The following IFT52 variants were observed in gnomAD, a reference collection of about 807,000 sequenced individuals.
The protein encoded by IFT52 is intraflagellar transport 52.
In IFT52, 44 loss-of-function variants were observed where a neutral mutation model predicts 54.4. The ratio of observed to expected loss-of-function variants is 0.81; its 90% CI spans 0.63 to 1.04. IFT52 has a LOEUF of 1.04. IFT52 is among the 50% of genes least tolerant of loss of function. The pLI is 0.00. For missense variants in IFT52, 452 were observed against 523.6 expected, an observed-to-expected ratio of 0.86 and a Z score of 1.33; for synonymous variants, 181 against 185.3, an observed-to-expected ratio of 0.98 and a Z score of 0.19.
At chr20:43,620,169 AG>A (rs1984182018) in intron 8 of IFT52, among the ~76,000 whole-genome samples, 1 of 151,774 alleles carries the variant, frequency 6.6e-6, no homozygotes, top group African/African-American at 2.4e-5. Flanking sequence ...CACCTGCCTC[AG>A]CCTCCCAAAG....
At chr20:43,619,749 G>T (rs761488874) in intron 8 of IFT52, among the ~76,000 whole-genome samples, 3 of 152,134 alleles carry the variant, frequency 2.0e-5, no homozygotes, top group Non-Finnish European at 2.9e-5. Flanking sequence ...GGAAGCACAT[G>T]TCTGTACAGC....
intron 5 of IFT52, 24 bp from the exon 6 acceptor site, chr20:43,604,977 TA>T (rs1476066181): frequency 1.2e-6 from 2 of 1,611,018 alleles, no homozygotes; most frequent in South Asian, 2.2e-5. Context: ...TTTTGTTTAC[TA>T]GATTTTAATT....
intron 10 of IFT52, among the ~76,000 whole-genome samples, chr20:43,625,352 T>TA (rs1197349772): frequency 1.3e-5 from 2 of 151,850 alleles, no homozygotes; most frequent in African/African-American, 2.4e-5. Flanking sequence ...CTACTAAAAA[T>TA]ACAAAAATTA....
chr20:43,619,576 G>C (rs73274318), intron 8 of IFT52, among the ~76,000 whole-genome samples: 1,946 of 152,176 alleles, frequency 0.013, 47 homozygotes, highest in African/African-American at 0.044. Context: ...CCTGAATTAC[G>C]GGAGTCAAGG....
chr20:43,631,400 G>A (rs1985161123), intron 10 of IFT52, among the ~76,000 whole-genome samples: 1 of 152,184 alleles, frequency 6.6e-6, no homozygotes, highest in Admixed American at 6.6e-5. Flanking sequence ...AGTGGAGGAG[G>A]TGACAGCAGT....
At chr20:43,601,169 A>T (rs1006836579) in intron 3 of IFT52, among the ~76,000 whole-genome samples, 2 of 152,092 alleles carry the variant, frequency 1.3e-5, no homozygotes, top group Non-Finnish European at 2.9e-5. Context: ...CATTAATATT[A>T]TGGCATTAAT....
chr20:43,621,150 ACAGT>A (rs1158613518), intron 9 of IFT52: 21 of 387,666 alleles, frequency 5.4e-5, no homozygotes, highest in Non-Finnish European at 9.3e-5. Flanking sequence ...ATACATACAT[ACAGT>A]ATGTATATAA....
At position 43,612,560 on chromosome 20, in the gene IFT52, C is replaced by T. The variant is rs138529854; in HGVS notation, c.486-1290C>T. Among the ~76,000 whole-genome samples the T allele has an allele frequency of 9.1e-3, 1,380 of 152,030 alleles. 13 individuals are homozygous for T. Among genetic ancestry groups the T allele is most frequent in the Non-Finnish European group, 0.014 (976 of 67,976 alleles). ...ATATAAAAATTAGTAGGTGTGGTGGCATGCACCTGTGGTCCCAGCTACTCA... is the reference window on the plus strand; with the variant it reads ...ATATAAAAATTAGTAGGTGTGGTGGTATGCACCTGTGGTCCCAGCTACTCA... On this transcript the variant is annotated intron_variant, in intron 6 of 13. Transcript: ENST00000373030.
intron 10 of IFT52, among the ~76,000 whole-genome samples, chr20:43,627,183 A>G (rs554231465): frequency 6.7e-6 from 1 of 149,698 alleles, no homozygotes; most frequent in Non-Finnish European, 1.5e-5. Context: ...AAAAAAAAAG[A>G]AAGGAAGAAA....
chr20:43,634,979 A>G lies in IFT52; in HGVS notation c.924-947A>G, dbSNP rs556131898. Reference sequence around the variant, plus strand: ...AGGTCAGGAGTTCAAGACCAGCCTGACCAACATGGTGAAACCCATCTCTAC... The same window carrying G: ...AGGTCAGGAGTTCAAGACCAGCCTGGCCAACATGGTGAAACCCATCTCTAC... On this transcript the variant is annotated intron_variant, in intron 10 of 13. Coordinates refer to ENST00000373030, the MANE Select transcript of IFT52 (RefSeq NM_016004.5). Among the ~76,000 whole-genome samples, 105 of 151,582 alleles carry G rather than the reference A, an allele frequency of 6.9e-4. 3 individuals carry two copies. The East Asian group carries it at 0.017, about 25-fold the overall frequency.
intron 6 of IFT52, among the ~76,000 whole-genome samples, chr20:43,609,715 C>A (rs1272333160): frequency 1.1e-4 from 16 of 144,926 alleles, no homozygotes; most frequent in Admixed American, 3.6e-4. Flanking sequence ...GCGGAGGTTG[C>A]ATTTAGCCGA....
chr20:43,607,074 G>A (rs1401336501), intron 6 of IFT52, among the ~76,000 whole-genome samples: 1 of 152,188 alleles, frequency 6.6e-6, no homozygotes, highest in Non-Finnish European at 1.5e-5. Flanking sequence ...TTGTCATCAT[G>A]GCCCGTTCTC....
intron 6 of IFT52, chr20:43,605,343 T>G (rs1982777870): frequency 1.6e-6 from 1 of 614,926 alleles, no homozygotes; most frequent in African/African-American, 2.0e-5. Flanking sequence ...GGTCAGGAGT[T>G]AGAGACAAGT....
chr20:43,642,371 C>T, intron 12 of IFT52, 108 bp from the exon 13 acceptor site: 2 of 1,005,366 alleles, frequency 2.0e-6, no homozygotes, highest in African/African-American at 3.2e-5. Flanking sequence ...GGTGAGTGAT[C>T]TTAGGAAATG....
chr20:43,597,388 A>AGAAC (rs1982064997), intron 3 of IFT52, among the ~76,000 whole-genome samples: 1 of 151,362 alleles, frequency 6.6e-6, no homozygotes. Flanking sequence ...AAAAAAAGAA[A>AGAAC]GAAAATAGGA....
At chr20:43,639,041 A>C (rs1600517047) in intron 12 of IFT52, among the ~76,000 whole-genome samples, 1 of 152,186 alleles carries the variant, frequency 6.6e-6, no homozygotes, top group Non-Finnish European at 1.5e-5. Context: ...AACGGTGAAG[A>C]AGCAGCTTTG....
chr20:43,606,219 T>TA (rs922807404), intron 6 of IFT52, among the ~76,000 whole-genome samples: 107 of 132,018 alleles, frequency 8.1e-4, no homozygotes, highest in East Asian at 4.4e-3. Flanking sequence ...AGACTTCGTC[T>TA]AAAAAAAAAA....
At chr20:43,605,508 C>G (rs954644942) in intron 6 of IFT52, among the ~76,000 whole-genome samples, 33 of 152,246 alleles carry the variant, frequency 2.2e-4, no homozygotes, top group African/African-American at 7.9e-4. Flanking sequence ...GATTACGCCA[C>G]TGCACTCCAG....
intron 12 of IFT52, among the ~76,000 whole-genome samples, chr20:43,640,516 C>T (rs1224420458): frequency 6.6e-6 from 1 of 151,974 alleles, no homozygotes; most frequent in Non-Finnish European, 1.5e-5. Context: ...TTCGGAATGT[C>T]CATAATACAT....
Sources: allele counts gnomAD v4.1 joint callset (sites outside exome capture counted in the v4.1 genomes callset), GRCh38; gene constraint gnomAD v4.1.1; transcripts MANE v1.5; gene names NCBI Gene and HGNC (gene_info 2026-07-23, HGNC 2026-07-21).